Variants in EPB41L4B observed in about 807,000 individuals in gnomAD.
EPB41L4B encodes erythrocyte membrane protein band 4.1 like 4B, also known as band 4.1-like protein 4B.
In EPB41L4B, 30 loss-of-function variants were observed where a neutral mutation model predicts 112.5. The observed-to-expected ratio is 0.27, with a 90% confidence interval of 0.20 to 0.36. The LOEUF is 0.36. Ranked by LOEUF, EPB41L4B falls within the 10% of genes least tolerant of loss-of-function variation. The probability of loss-of-function intolerance (pLI) is 1.00; values close to 1 mark genes in which losing one functional copy is unlikely to be tolerated. For missense variants in EPB41L4B, 1,024 were observed against 1,133.3 expected, an observed-to-expected ratio of 0.90 and a Z score of 1.38; for synonymous variants, 408 against 439.7, an observed-to-expected ratio of 0.93 and a Z score of 0.90.
chr9:109,240,871 A>G, intron 15 of EPB41L4B: 1 of 985,480 alleles, frequency 1.0e-6, no homozygotes. Context: ...TCATTAAGAC[A>G]TTAAAAATTA....
At chr9:109,299,494 G>C (rs2119212424) in intron 1 of EPB41L4B, among the ~76,000 whole-genome samples, 1 of 152,118 alleles carries the variant, frequency 6.6e-6, no homozygotes, top group Non-Finnish European at 1.5e-5. Context: ...ATGTTGCCTA[G>C]GCTGGTCTTG....
At chr9:109,309,069 C>T (rs576262823) in intron 1 of EPB41L4B, among the ~76,000 whole-genome samples, 34 of 151,560 alleles carry the variant, frequency 2.2e-4, no homozygotes, top group African/African-American at 7.3e-4. Flanking sequence ...AGCGAGATTC[C>T]GTCTTTTAAA....
At chr9:109,305,580 T>C (rs889731117) in intron 1 of EPB41L4B, among the ~76,000 whole-genome samples, 2 of 152,032 alleles carry the variant, frequency 1.3e-5, no homozygotes, top group African/African-American at 4.8e-5. Flanking sequence ...ACTGCGCCAC[T>C]GCACTCCATC....
chr9:109,277,315 C>CAAAA (rs35489544), intron 2 of EPB41L4B, among the ~76,000 whole-genome samples: 9 of 112,270 alleles, frequency 8.0e-5, no homozygotes, highest in African/African-American at 2.7e-4. Context: ...AGTAGACATG[C>CAAAA]AAAAAAAAAA....
At chr9:109,280,492 A>G (rs183559100) in intron 1 of EPB41L4B, among the ~76,000 whole-genome samples, 25 of 152,346 alleles carry the variant, frequency 1.6e-4, no homozygotes, top group Non-Finnish European at 3.2e-4. Context: ...CATGAGCACA[A>G]GAAAGCAGTC....
intron 14 of EPB41L4B, among the ~76,000 whole-genome samples, chr9:109,246,740 T>C (rs1834572055): frequency 6.6e-6 from 1 of 152,246 alleles, no homozygotes; most frequent in South Asian, 2.1e-4. Context: ...ACCTTCCATG[T>C]TACCAGGCAT....
At chr9:109,268,490 C>T (rs1041109678) in intron 2 of EPB41L4B, 57 bp from the exon 3 acceptor site, 86 of 1,488,836 alleles carry the variant, frequency 5.8e-5, no homozygotes, top group Non-Finnish European at 9.2e-7. Flanking sequence ...GTTATTCAGC[C>T]CTCACAGTTA....
chr9:109,182,187 C>A (rs1832085832), intron 24 of EPB41L4B, among the ~76,000 whole-genome samples: 1 of 151,992 alleles, frequency 6.6e-6, no homozygotes, highest in Non-Finnish European at 1.5e-5. Flanking sequence ...CCAGCCTTGG[C>A]AGTAGAACAG....
At chr9:109,306,022 A>G (rs1837177850) in intron 1 of EPB41L4B, among the ~76,000 whole-genome samples, 1 of 152,222 alleles carries the variant, frequency 6.6e-6, no homozygotes, top group South Asian at 2.1e-4. Flanking sequence ...GAGAGCCACT[A>G]GAGTGACAGC....
At chr9:109,211,916 C>T (rs1833195430) in intron 17 of EPB41L4B, among the ~76,000 whole-genome samples, 1 of 149,538 alleles carries the variant, frequency 6.7e-6, no homozygotes, top group African/African-American at 2.4e-5. Flanking sequence ...GGGGGGGTCT[C>T]GCCATGTTGC....
intron 19 of EPB41L4B, among the ~76,000 whole-genome samples, chr9:109,200,537 A>G (rs7040419): frequency 0.35 from 52,883 of 151,986 alleles, 9,223 homozygotes; most frequent in East Asian, 0.38. Context: ...GTAAGAAAAA[A>G]ATCATAGGGA....
intron 13 of EPB41L4B, 90 bp downstream of exon 13, chr9:109,251,391 G>T (rs1203686685): frequency 1.6e-6 from 2 of 1,281,764 alleles, no homozygotes; most frequent in Non-Finnish European, 2.3e-6. Context: ...CACACTTCCT[G>T]ATTTCACTGT....
chr9:109,283,496 C>T (rs1198190025), intron 1 of EPB41L4B, among the ~76,000 whole-genome samples: 2 of 152,120 alleles, frequency 1.3e-5, no homozygotes, highest in African/African-American at 2.4e-5. Flanking sequence ...GATGAGACGG[C>T]CTCATCTCTC....
chr9:109,279,633 G>T (rs1438014881), intron 2 of EPB41L4B, among the ~76,000 whole-genome samples, 184 bp downstream of exon 2: 2 of 152,202 alleles, frequency 1.3e-5, no homozygotes, highest in Non-Finnish European at 2.9e-5. Context: ...CCTCAAGGGT[G>T]AGGCATCCTA....
At chr9:109,180,650 T>G (rs1344563853) in intron 24 of EPB41L4B, among the ~76,000 whole-genome samples, 2 of 152,072 alleles carry the variant, frequency 1.3e-5, no homozygotes, top group African/African-American at 4.8e-5. Flanking sequence ...GCTCTCTCCC[T>G]CCCTGTGTGG....
intron 1 of EPB41L4B, among the ~76,000 whole-genome samples, chr9:109,319,821 G>C (rs560140458): frequency 1.3e-5 from 2 of 152,220 alleles, no homozygotes; most frequent in East Asian, 2.0e-4. Context: ...CCACACCAGG[G>C]GGGGCGGGGT....
At chr9:109,268,671 G>C (rs1425095383) in intron 2 of EPB41L4B, among the ~76,000 whole-genome samples, 1 of 152,060 alleles carries the variant, frequency 6.6e-6, no homozygotes, top group African/African-American at 2.4e-5. Context: ...GGCCGAGGCG[G>C]GCGGATCACG....
At chr9:109,263,820 A>T in intron 5 of EPB41L4B, among the ~76,000 whole-genome samples, 1 of 152,226 alleles carries the variant, frequency 6.6e-6, no homozygotes, top group East Asian at 1.9e-4. Flanking sequence ...TGAGGAACTC[A>T]GTGTTAAGGG....
Position 109,207,941 on chromosome 9 carries a change from A to G in EPB41L4B, c.1861T>C (p.Ser621Pro). Residue 621 changes from serine (S) to proline (P), a missense_variant, in exon 18 of 26, where the codon TCC becomes CCC. By Grantham distance (74) the Ser-to-Pro change is moderately conservative. Transcript: ENST00000374566. ...CTGCGCACCTGGATGTTCACTCGGG[A>G]AGCATTTTCCAACTGGGCTTTCAGA... is the stretch of plus-strand genomic sequence containing the variant. The part of the protein sequence containing the change: ...NILKAQLENA[S>P]RVNIQGGKEE... The G allele has an allele frequency of 1.9e-6, 3 of 1,614,126 alleles. No homozygotes were observed. The highest frequency in any genetic ancestry group is 2.5e-6 in the Non-Finnish European group (3 of 1,180,028).
Sources: allele counts gnomAD v4.1 joint callset (sites outside exome capture counted in the v4.1 genomes callset), GRCh38; gene constraint gnomAD v4.1.1; transcripts MANE v1.5; gene names NCBI Gene and HGNC (gene_info 2026-07-23, HGNC 2026-07-21).